EIF3F: variants seen among roughly 807,000 people sequenced by gnomAD.
The protein encoded by EIF3F is deubiquitinating enzyme eIF3f.
In EIF3F, 8 loss-of-function variants were observed where a neutral mutation model predicts 36.0. The observed-to-expected ratio is 0.22, with a 90% CI of 0.13 to 0.40. The LOEUF (loss-of-function observed/expected upper bound fraction) is 0.40. EIF3F is among the 10% of genes least tolerant of loss of function. The probability of loss-of-function intolerance (pLI) is 1.00; values close to 1 mark genes in which losing one functional copy is unlikely to be tolerated. For missense variants in EIF3F, 430 were observed against 467.6 expected, an observed-to-expected ratio of 0.92 and a Z score of 0.74; for synonymous variants, 184 against 188.5, an observed-to-expected ratio of 0.98 and a Z score of 0.19.
In EIF3F at chr11:7,998,502, A is replaced by C. The variant is rs1942187167; in HGVS notation, c.*2480A>C. On this transcript the variant is annotated 3_prime_UTR_variant, in exon 8 of 8. Transcript: ENST00000651655. ...CTGAAAAGGATACTTGTTTATAAGA[A>C]CTGAAACAAGAAGGCCTTGTTCCAC... The C allele has an allele frequency of 6.6e-6, 1 of 152,226 alleles. No individual in the cohort carries two copies. The highest frequency in any genetic ancestry group is 2.4e-5 in the African/African-American group (1 of 41,454). The allele number at this position is 152,226 out of a possible 1,614,324, so 9.4% of individuals were successfully genotyped here.
chr11:7,989,381 T>C (rs1164969775), intron 1 of EIF3F, among the ~76,000 whole-genome samples: 1 of 152,216 alleles, frequency 6.6e-6, no homozygotes, highest in East Asian at 1.9e-4. Context: ...TAATCTAATC[T>C]ACATCCTCAG....
intron 4 of EIF3F, 140 bp from the exon 5 acceptor site, chr11:7,994,286 C>A: frequency 1.5e-6 from 1 of 688,700 alleles, no homozygotes; most frequent in Non-Finnish European, 2.5e-6. Context: ...TCCCATGAGA[C>A]CTCTGGGGTT....
At chr11:7,994,928 C>T in intron 5 of EIF3F, 54 bp from the exon 6 acceptor site, 1 of 1,598,528 alleles carries the variant, frequency 6.3e-7, no homozygotes, top group Admixed American at 1.7e-5. Context: ...TGACTGAATT[C>T]TCTCTCTTAC....
rs1310269386 is a variant in EIF3F at position 7,997,397 on chromosome 11, C to G, written c.*1375C>G. The stretch of plus-strand genomic sequence containing the variant: ...TAATTGCTAGAAGTATATATAATCT[C>G]TCAATGAATAGTGATGAGAGATGGT... On this transcript the variant is annotated 3_prime_UTR_variant, in exon 8 of 8. Transcript: ENST00000651655. 6.6e-6 allele frequency: 1 copy of G among 151,964 alleles called. No homozygotes were observed. The highest frequency in any genetic ancestry group is 1.5e-5 in the Non-Finnish European group (1 of 67,996). The allele number at this position is 151,964 out of a possible 1,614,324, so 9.4% of individuals were successfully genotyped here. A position where few individuals can be genotyped will look rare whatever the true frequency, so the allele number is the denominator to read the frequency against.
In EIF3F at chr11:7,991,815, T is replaced by C; in HGVS notation, c.399T>C (p.Asn133=). ...TVDKHSVEVT[N]CFSVPHNESE... is the part of the protein sequence containing the mutation. ...ACAAACACTCAGTGGAGGTCACCAA[T>C]TGCTTTTCAGTGCCGCACAATGAGT... Residue 133 remains asparagine, a synonymous_variant, in exon 2 of 8, where the codon AAT becomes AAC. Coordinates refer to ENST00000651655, the MANE Select transcript of EIF3F (RefSeq NM_003754.3). 2 of 1,614,186 alleles carry C rather than the reference T, an allele frequency of 1.2e-6. No homozygotes were observed. The highest frequency in any genetic ancestry group is 1.7e-6 in the Non-Finnish European group (2 of 1,180,014).
rs952194203 is a variant in EIF3F, at chr11:7,999,587, T to C, written c.*3565T>C. 4 of 151,306 alleles carry C rather than the reference T, an allele frequency of 2.6e-5. No homozygotes were observed. Among genetic ancestry groups the C allele is most frequent in the African/African-American group, 4.9e-5 (2 of 40,604 alleles). The allele number at this position is 151,306 out of a possible 1,614,324, so 9.4% of individuals were successfully genotyped here. A position where few individuals can be genotyped will look rare whatever the true frequency, so the allele number is the denominator to read the frequency against. On this transcript the variant is annotated 3_prime_UTR_variant, in exon 8 of 8. Transcript: ENST00000651655. ...CTAGCCCTTCCAGATATAAAATATA[T>C]TATAGAACTGTGTAATTAAAGCAAT... is the stretch of plus-strand genomic sequence containing the variant.
intron 1 of EIF3F, among the ~76,000 whole-genome samples, chr11:7,989,433 T>A (rs1017824683): frequency 6.6e-6 from 1 of 152,230 alleles, no homozygotes; most frequent in Non-Finnish European, 1.5e-5. Context: ...GCTATAGGTG[T>A]TATAGAGGCA....
chr11:7,997,618 CA>C lies in EIF3F; in HGVS notation c.*1598del, dbSNP rs1403506198. The C allele has an allele frequency of 6.6e-6, 1 of 152,144 alleles. No homozygotes were observed. The highest frequency in any genetic ancestry group is 1.5e-5 in the Non-Finnish European group (1 of 68,026). 9.4% of individuals were successfully genotyped at this position (152,144 alleles called of 1,614,324 possible). A position where few individuals can be genotyped will look rare whatever the true frequency, so the allele number is the denominator to read the frequency against. ...CTGTTTACAGGAGACACATCTAAAACAAGGACATAAAGTTGTCCTGCAGCTG... is the reference window on the plus strand; with the variant it reads ...CTGTTTACAGGAGACACATCTAAAACAGGACATAAAGTTGTCCTGCAGCTG... On this transcript the variant is annotated 3_prime_UTR_variant, in exon 8 of 8. Transcript: ENST00000651655.
At chr11:7,992,239 G>T in intron 3 of EIF3F, 76 bp downstream of exon 3, 1 of 1,250,954 alleles carries the variant, frequency 8.0e-7, no homozygotes, top group Non-Finnish European at 1.1e-6. Flanking sequence ...TACTGGACTG[G>T]ATCTTATACT....
Position 7,994,991 on chromosome 11 carries a change from T to C in EIF3F, c.755T>C (p.Ile252Thr). 6.2e-7 allele frequency: 1 copy of C among 1,613,128 alleles called. No individual in the cohort carries two copies. Among genetic ancestry groups the C allele is most frequent in the Non-Finnish European group, 8.5e-7 (1 of 1,179,826 alleles). Residue 252 changes from isoleucine (I) to threonine (T), a missense_variant, in exon 6 of 8, where the codon ATC (isoleucine) becomes ACC (threonine). Physicochemically the swap from Ile to Thr is moderately conservative, Grantham distance 89. This residue lies in a region of EIF3F where 262 missense variants were observed against 347.4 expected (regional missense o/e 0.75). Transcript: ENST00000651655. ...YDTERIGVDLIMKTCFSPNRV... is the reference protein window; with the variant it reads ...YDTERIGVDLTMKTCFSPNRV... Reference sequence around the variant, plus strand: ...CAACCAACTTCCATAGTTGACCTGATCATGAAGACCTGCTTTAGCCCCAAC... The same window carrying C: ...CAACCAACTTCCATAGTTGACCTGACCATGAAGACCTGCTTTAGCCCCAAC...
At position 8,001,060 on chromosome 11, in the gene EIF3F, A is replaced by G. The variant is rs1442808376; in HGVS notation, c.*5038A>G. The G allele has an allele frequency of 1.3e-5, 2 of 152,234 alleles. No individual in the cohort carries two copies. Among genetic ancestry groups the G allele is most frequent in the African/African-American group, 2.4e-5 (1 of 41,464 alleles). 9.4% of individuals were successfully genotyped at this position (152,234 alleles called of 1,614,324 possible). A position where few individuals can be genotyped will look rare whatever the true frequency, so the allele number is the denominator to read the frequency against. ...CTAATATTCTTGTCCCAGAATTCCTACAGTTTTTTAAGGCCAGTAATTTGA... is the reference window on the plus strand; with the variant it reads ...CTAATATTCTTGTCCCAGAATTCCTGCAGTTTTTTAAGGCCAGTAATTTGA... On this transcript the variant is annotated 3_prime_UTR_variant, in exon 8 of 8. Coordinates refer to ENST00000651655, the MANE Select transcript of EIF3F (RefSeq NM_003754.3).
Position 8,000,595 on chromosome 11 carries a change from G to A in EIF3F, c.*4573G>A, listed in dbSNP as rs768922554. 3.9e-5 allele frequency: 6 copies of A among 152,120 alleles called. No individual in the cohort carries two copies. The highest frequency in any genetic ancestry group is 4.8e-5 in the African/African-American group (2 of 41,424). 9.4% of individuals were successfully genotyped at this position (152,120 alleles called of 1,614,324 possible). On this transcript the variant is annotated 3_prime_UTR_variant, in exon 8 of 8. Transcript: ENST00000651655. ...TAGCTTGATTGTGGTAATCAATTTC[G>A]CAATGTGTACATATATCAAAACATC...
intron 4 of EIF3F, among the ~76,000 whole-genome samples, chr11:7,993,672 C>G (rs1942125054): frequency 6.6e-6 from 1 of 152,140 alleles, no homozygotes; most frequent in Non-Finnish European, 1.5e-5. Flanking sequence ...TGTGCTGGTT[C>G]TGTGTCTGAC....
At chr11:7,994,306 C>T in intron 4 of EIF3F, 120 bp from the exon 5 acceptor site, 1 of 838,090 alleles carries the variant, frequency 1.2e-6, no homozygotes, top group South Asian at 1.8e-5. Context: ...TCATTTGGTC[C>T]CACCCTTTCT....
rs763932999 is a variant in EIF3F at position 7,994,464 on chromosome 11, T to C, written c.692T>C (p.Met231Thr). The C allele has an allele frequency of 6.2e-7, 1 of 1,614,082 alleles. No homozygotes were observed. Among genetic ancestry groups the C allele is most frequent in the Admixed American group, 1.7e-5 (1 of 60,024 alleles). The change falls in exon 5 of 8, where the codon ATG becomes ACG. Residue 231 changes from methionine to threonine, a missense_variant. Physicochemically the swap from Met to Thr is moderately conservative, Grantham distance 81. Coordinates refer to ENST00000651655, the MANE Select transcript of EIF3F (RefSeq NM_003754.3). ...MGVPGRTMGV[M>T]FTPLTVKYAY... ...GTCCCTGGGAGGACCATGGGAGTGATGTTCACGCCTCTGACAGTGAAATAC... is the reference window on the plus strand; with the variant it reads ...GTCCCTGGGAGGACCATGGGAGTGACGTTCACGCCTCTGACAGTGAAATAC...
In EIF3F at chr11:7,988,421, C is replaced by A. The variant is rs1468451502; in HGVS notation, c.364+705C>A. Among the ~76,000 whole-genome samples, 4 of 152,280 alleles carry A rather than the reference C, an allele frequency of 2.6e-5. No individual in the cohort carries two copies. The East Asian group carries it at 7.7e-4, about 29-fold the overall frequency. ...TGTATTATCTGTTTATATTTCTGCC[C>A]TTAACCTTCAGGTCGAAAAATGACC... On this transcript the variant is annotated intron_variant, in intron 1 of 7. Coordinates refer to ENST00000651655, the MANE Select transcript of EIF3F (RefSeq NM_003754.3).
rs1324861683 is a variant in EIF3F at position 7,994,447 on chromosome 11, G to T, written c.675G>T (p.Gly225=). ...GCAGCACTTTAATGGGAGTCCCTGG[G>T]AGGACCATGGGAGTGATGTTCACGC... The part of the protein sequence containing the change: ...AYVSTLMGVP[G]RTMGVMFTPL... Residue 225 remains glycine, a synonymous_variant, in exon 5 of 8, where the codon GGG becomes GGT. Transcript: ENST00000651655. 6.2e-7 allele frequency: 1 copy of T among 1,614,044 alleles called. No individual in the cohort carries two copies. Among genetic ancestry groups the T allele is most frequent in the East Asian group, 2.2e-5 (1 of 44,872 alleles).
In EIF3F at chr11:7,998,718, T is replaced by TA. The variant is rs753826687; in HGVS notation, c.*2702dup. 6 of 152,188 alleles carry TA rather than the reference T, an allele frequency of 3.9e-5. No individual in the cohort carries two copies. Among genetic ancestry groups the TA allele is most frequent in the Non-Finnish European group, 7.3e-5 (5 of 68,034 alleles). The allele number at this position is 152,188 out of a possible 1,614,324, so 9.4% of individuals were successfully genotyped here. ...ATGTGTGTGTATATTATATATATGA[T>TA]AAAAAACAAAAGAATGATAAAAATT... On this transcript the variant is annotated 3_prime_UTR_variant, in exon 8 of 8. Transcript: ENST00000651655.
Position 8,001,105 on chromosome 11 carries a change from T to C in EIF3F, c.*5083T>C, listed in dbSNP as rs1450728107. The C allele has an allele frequency of 6.6e-6, 1 of 152,182 alleles. No homozygotes were observed. The highest frequency in any genetic ancestry group is 1.5e-5 in the Non-Finnish European group (1 of 68,024). The allele number at this position is 152,182 out of a possible 1,614,324, so 9.4% of individuals were successfully genotyped here. On this transcript the variant is annotated 3_prime_UTR_variant, in exon 8 of 8. Transcript: ENST00000651655. Reference sequence around the variant, plus strand: ...ATTTGATACATTAGTGTGTAAAGGATATGACCAGACAGCTCACACACAGAC... The same window carrying C: ...ATTTGATACATTAGTGTGTAAAGGACATGACCAGACAGCTCACACACAGAC...
Sources: gnomAD v4.1 joint callset for allele counts (sites outside exome capture counted in the v4.1 genomes callset) on GRCh38, gnomAD v4.1.1 for gene constraint, gnomAD v4.1.1 regional missense constraint, MANE v1.5 for transcripts, NCBI Gene and HGNC (gene_info 2026-07-23, HGNC 2026-07-21) for gene names.